Variants in REXO5 observed in about 807,000 individuals in gnomAD.
REXO5 encodes exonuclease NEF-sp.
REXO5 carries 48 observed loss-of-function variants against 88.5 expected under a neutral mutation model. That is an observed-to-expected ratio of 0.54 (90% CI 0.43 to 0.69). The LOEUF is 0.69. Among genes scored for constraint, REXO5 ranks in the 30% least tolerant of loss-of-function variants. The pLI, the probability that REXO5 is intolerant of heterozygous loss-of-function variation, is 0.00. For synonymous variants in REXO5, 311 were observed against 336.5 expected, an observed-to-expected ratio of 0.92 and a Z score of 0.83; for missense variants, 749 against 912.2, an observed-to-expected ratio of 0.82 and a Z score of 2.30.
chr16:20,825,439 C>CG, intron 7 of REXO5: 1 of 156,312 alleles, frequency 6.4e-6, no homozygotes, highest in Admixed American at 6.5e-5. Flanking sequence ...ATAATAAAGC[C>CG]TACCTCAAAA....
chr16:20,810,687 C>T (rs1166744980), intron 2 of REXO5, among the ~76,000 whole-genome samples: 1 of 152,252 alleles, frequency 6.6e-6, no homozygotes, highest in Non-Finnish European at 1.5e-5. Context: ...TGAACCACCG[C>T]GCCCAGTCCA....
chr16:20,843,799 T>G (rs913831806), intron 15 of REXO5, 135 bp from the exon 16 acceptor site: 2 of 524,008 alleles, frequency 3.8e-6, no homozygotes, highest in African/African-American at 3.9e-5. Context: ...TTACAATCAA[T>G]ACTTGTGTAG....
At chr16:20,841,824 G>A (rs534975553) in intron 15 of REXO5, among the ~76,000 whole-genome samples, 3 of 152,098 alleles carry the variant, frequency 2.0e-5, no homozygotes, top group East Asian at 1.9e-4. Flanking sequence ...CAGGCTGGTC[G>A]CGAACTCCTG....
At position 20,813,105 on chromosome 16, in the gene REXO5, A is replaced by G. The variant is rs1299968633; in HGVS notation, c.139-85A>G. The G allele has an allele frequency of 5.6e-6, 5 of 892,984 alleles. No individual in the cohort carries two copies. The Admixed American group carries it at 9.5e-5, about 17-fold the overall frequency. 55.3% of individuals were successfully genotyped at this position (892,984 alleles called of 1,614,324 possible). On this transcript the variant is annotated intron_variant, in intron 2 of 19. Coordinates refer to ENST00000261377, the MANE Select transcript of REXO5 (RefSeq NM_030941.3). The stretch of plus-strand genomic sequence containing the variant: ...TAGAATATACCTGTATGTTAAAGTA[A>G]TCAGAAGCTAGAATAATTTAACTTG...
At chr16:20,835,408 C>A (rs1330502238) in intron 13 of REXO5, among the ~76,000 whole-genome samples, 1 of 152,178 alleles carries the variant, frequency 6.6e-6, no homozygotes, top group Non-Finnish European at 1.5e-5. Context: ...ATTTTACACT[C>A]TAGCTTTTGG....
intron 13 of REXO5, among the ~76,000 whole-genome samples, chr16:20,834,181 T>C (rs1596598871): frequency 6.6e-6 from 1 of 152,242 alleles, no homozygotes; most frequent in East Asian, 1.9e-4. Flanking sequence ...TCTTGGGGTG[T>C]TGCATCCAGA....
At chr16:20,846,887 C>A (rs962100718) in intron 19 of REXO5, among the ~76,000 whole-genome samples, 1 of 152,200 alleles carries the variant, frequency 6.6e-6, no homozygotes, top group African/African-American at 2.4e-5. Context: ...CTTTTAGTAA[C>A]ATGAGGGATT....
chr16:20,818,855 G>A (rs2081121393), intron 5 of REXO5, among the ~76,000 whole-genome samples: 1 of 152,124 alleles, frequency 6.6e-6, no homozygotes, highest in Non-Finnish European at 1.5e-5. Context: ...GTGCTGTAGT[G>A]GTTTACTACA....
At chr16:20,836,318 T>C (rs987881948) in intron 13 of REXO5, among the ~76,000 whole-genome samples, 7 of 151,518 alleles carry the variant, frequency 4.6e-5, no homozygotes, top group Non-Finnish European at 8.8e-5. Context: ...AACCACTGAT[T>C]TTTTTTTTAC....
At chr16:20,819,133 G>C (rs1222910201) in intron 5 of REXO5, among the ~76,000 whole-genome samples, 1 of 152,052 alleles carries the variant, frequency 6.6e-6, no homozygotes, top group Admixed American at 6.6e-5. Context: ...AGTATTCCAT[G>C]GTGTATATGT....
chr16:20,827,363 CAT>C lies in REXO5; in HGVS notation c.974_975del (p.Tyr325CysfsTer3). Reference sequence around the variant, plus strand: ...CTCTTTCTTCCTCAGATGATACATCCATATGTTATTGATACATCGTTGCTTTA... The same window carrying C: ...CTCTTTCTTCCTCAGATGATACATCCATGTTATTGATACATCGTTGCTTTA... On this transcript the variant is annotated frameshift_variant, in exon 10 of 20. Coordinates refer to ENST00000261377, the MANE Select transcript of REXO5 (RefSeq NM_030941.3). LOFTEE classifies it high-confidence loss of function. 1 of 1,612,180 alleles carries C rather than the reference CAT, an allele frequency of 6.2e-7. No individual in the cohort carries two copies.
At chr16:20,823,847 GA>G (rs1260531269) in intron 6 of REXO5, among the ~76,000 whole-genome samples, 3 of 152,170 alleles carry the variant, frequency 2.0e-5, no homozygotes, top group Non-Finnish European at 4.4e-5. Flanking sequence ...ATCTATAGCT[GA>G]GCCTCTGTAG....
intron 7 of REXO5, among the ~76,000 whole-genome samples, chr16:20,824,918 A>G (rs767789283): frequency 6.6e-4 from 101 of 152,084 alleles, no homozygotes; most frequent in Admixed American, 3.0e-3. Context: ...CTGAGGCAGG[A>G]GAATCGCTTG....
chr16:20,813,435 C>A (rs1242940908), intron 3 of REXO5, 133 bp downstream of exon 3: 5 of 563,372 alleles, frequency 8.9e-6, no homozygotes, highest in Non-Finnish European at 1.5e-5. Flanking sequence ...TTTTGCTATG[C>A]AGCATGTCCT....
intron 16 of REXO5, 53 bp from the exon 17 acceptor site, chr16:20,844,576 G>C: frequency 1.3e-6 from 2 of 1,520,878 alleles, no homozygotes; most frequent in Non-Finnish European, 1.8e-6. Flanking sequence ...GTATCCAATA[G>C]GCCTGAGGAT....
intron 12 of REXO5, 82 bp from the exon 13 acceptor site, chr16:20,832,921 T>C (rs993757367): frequency 7.1e-5 from 93 of 1,312,652 alleles, no homozygotes; most frequent in Non-Finnish European, 9.6e-5. Flanking sequence ...GGCTACCATA[T>C]TGTATAATGC....
At chr16:20,839,082 G>T (rs561616816) in intron 13 of REXO5, among the ~76,000 whole-genome samples, 47 of 152,302 alleles carry the variant, frequency 3.1e-4, no homozygotes, top group African/African-American at 1.1e-3. Context: ...AAGCTTCCTA[G>T]TTCTCCATTT....
At chr16:20,838,677 A>G (rs1229940377) in intron 13 of REXO5, among the ~76,000 whole-genome samples, 1 of 152,178 alleles carries the variant, frequency 6.6e-6, no homozygotes, top group East Asian at 1.9e-4. Context: ...CTGCAGCTCT[A>G]ACATGCCATG....
chr16:20,846,175 C>G (rs575747155), intron 18 of REXO5, 46 bp from the exon 19 acceptor site: 1 of 1,446,388 alleles, frequency 6.9e-7, no homozygotes, highest in Non-Finnish European at 9.7e-7. Flanking sequence ...CCAAAGGTAA[C>G]GAGAGAGTGT....
Sources: gnomAD v4.1 joint callset for allele counts (sites outside exome capture counted in the v4.1 genomes callset) on GRCh38, gnomAD v4.1.1 for gene constraint, MANE v1.5 for transcripts, NCBI Gene and HGNC (gene_info 2026-07-23, HGNC 2026-07-21) for gene names.